The following CDH18 variants were observed in gnomAD, a reference collection of about 807,000 sequenced individuals.
The protein encoded by CDH18 is cadherin-18.
In CDH18, 31 loss-of-function variants were observed where a neutral mutation model predicts 67.9. The observed-to-expected ratio is 0.46, with a 90% CI of 0.34 to 0.62. The LOEUF is 0.62. Ranked by LOEUF, CDH18 falls within the 20% of genes least tolerant of loss-of-function variation. The pLI is 0.01. For missense variants in CDH18, 890 were observed against 975.5 expected (o/e 0.91, Z 1.17); for synonymous variants, 362 against 347.2 (o/e 1.04, Z -0.48).
At chr5:19,913,097 G>A (rs569523015) in intron 2 of CDH18, among the ~76,000 whole-genome samples, 2 of 152,086 alleles carry the variant, frequency 1.3e-5, no homozygotes, top group East Asian at 1.9e-4. Context: ...AAGAGGTACC[G>A]ATTTTTTAAA....
intron 1 of CDH18, among the ~76,000 whole-genome samples, chr5:20,538,632 C>A (rs1251161210): frequency 6.6e-6 from 1 of 152,038 alleles, no homozygotes; most frequent in Admixed American, 6.6e-5. Context: ...TTAATCATGA[C>A]CATTAATCTC....
At chr5:19,750,670 C>T (rs564217822) in intron 3 of CDH18, among the ~76,000 whole-genome samples, 154 of 151,748 alleles carry the variant, frequency 1.0e-3, no homozygotes, top group African/African-American at 3.7e-3. Flanking sequence ...AACCACTATA[C>T]TACTAAGAGA....
chr5:20,485,168 G>A (rs1753085987), intron 1 of CDH18, among the ~76,000 whole-genome samples: 1 of 152,104 alleles, frequency 6.6e-6, no homozygotes, highest in Non-Finnish European at 1.5e-5. Context: ...TCTCATTCTA[G>A]TCTTTATTTC....
At chr5:20,522,949 T>A (rs1755833666) in intron 1 of CDH18, among the ~76,000 whole-genome samples, 1 of 152,196 alleles carries the variant, frequency 6.6e-6, no homozygotes, top group Admixed American at 6.6e-5. Context: ...AACCAATGAA[T>A]CAAAATTCTT....
chr5:19,651,837 A>G (rs1303023976), intron 5 of CDH18, among the ~76,000 whole-genome samples: 3 of 152,128 alleles, frequency 2.0e-5, no homozygotes, highest in Non-Finnish European at 4.4e-5. Context: ...AATCAGAAAT[A>G]GGGTTCACTC....
At chr5:20,370,381 T>C (rs1193658343) in intron 1 of CDH18, among the ~76,000 whole-genome samples, 2 of 150,142 alleles carry the variant, frequency 1.3e-5, no homozygotes, top group Admixed American at 6.6e-5. Context: ...AGAGTTATTC[T>C]ACAGTTGTTA....
intron 2 of CDH18, among the ~76,000 whole-genome samples, chr5:19,854,406 G>A (rs1272937276): frequency 6.6e-6 from 1 of 151,876 alleles, no homozygotes; most frequent in Non-Finnish European, 1.5e-5. Context: ...TCTACTTCTA[G>A]GAATCTGATC....
intron 2 of CDH18, among the ~76,000 whole-genome samples, chr5:20,022,019 T>G (rs1738471677): frequency 6.6e-6 from 1 of 152,222 alleles, no homozygotes; most frequent in Non-Finnish European, 1.5e-5. Flanking sequence ...CTTTTGTAGT[T>G]CAACACATTA....
intron 2 of CDH18, among the ~76,000 whole-genome samples, chr5:20,206,784 A>G (rs1354471330): frequency 6.6e-6 from 1 of 152,010 alleles, no homozygotes; most frequent in African/African-American, 2.4e-5. Context: ...AAAACATTAG[A>G]CAAAATTCAG....
chr5:20,522,699 A>T (rs1163014010), intron 1 of CDH18, among the ~76,000 whole-genome samples: 1 of 152,164 alleles, frequency 6.6e-6, no homozygotes, highest in East Asian at 1.9e-4. Context: ...AGGACCAATA[A>T]ATTAATGTTA....
intron 1 of CDH18, among the ~76,000 whole-genome samples, chr5:20,278,271 G>T (rs766737146): frequency 6.6e-6 from 1 of 151,804 alleles, no homozygotes; most frequent in Non-Finnish European, 1.5e-5. Context: ...CAAGAGAAAA[G>T]AAACAAATAA....
chr5:19,742,869 A>T (rs1769410302), intron 4 of CDH18, among the ~76,000 whole-genome samples: 1 of 152,154 alleles, frequency 6.6e-6, no homozygotes, highest in African/African-American at 2.4e-5. Flanking sequence ...ATACGTTGAT[A>T]AAAATTTTGT....
intron 5 of CDH18, among the ~76,000 whole-genome samples, chr5:19,638,997 T>TG (rs1561521260): frequency 2.6e-4 from 30 of 113,872 alleles, no homozygotes; most frequent in Admixed American, 9.7e-5. Context: ...TTTTTTTTTT[T>TG]TTTTTTTGTT....
chr5:20,300,391 G>A (rs975084676), intron 1 of CDH18, among the ~76,000 whole-genome samples: 3 of 151,734 alleles, frequency 2.0e-5, no homozygotes, highest in East Asian at 1.9e-4. Flanking sequence ...TTTTCCTGCT[G>A]TCTGTCTCCA....
rs971740197 is a variant in CDH18 at position 20,006,916 on chromosome 5, T to C, written c.-517-14902A>G. Among the ~76,000 whole-genome samples the C allele has an allele frequency of 2.0e-5, 3 of 151,886 alleles. No individual in the cohort carries two copies. The East Asian group carries it at 5.8e-4, about 29-fold the overall frequency. ...GCATTTATAAGACAAAAGTGATACATCTCTTTTTTAATGAGAAAATTAAAT... is the reference window on the plus strand; with the variant it reads ...GCATTTATAAGACAAAAGTGATACACCTCTTTTTTAATGAGAAAATTAAAT... On this transcript the variant is annotated intron_variant, in intron 2 of 14. Transcript: ENST00000507958.
At position 19,693,888 on chromosome 5, in the gene CDH18, T is replaced by C. The variant is rs960468641; in HGVS notation, c.643+27459A>G. Among the ~76,000 whole-genome samples, 10 of 105,036 alleles carry C rather than the reference T, an allele frequency of 9.5e-5. No homozygotes were observed. In the East Asian group the frequency reaches 2.9e-3, roughly 30 times the overall value. 68.9% of individuals were successfully genotyped at this position (105,036 alleles called of 152,430 possible). ...TCCAGCCTGGGCGACAAAGTGAGACTCTGTCTGAAAAAAAAAAAAAAAAAA... is the reference window on the plus strand; with the variant it reads ...TCCAGCCTGGGCGACAAAGTGAGACCCTGTCTGAAAAAAAAAAAAAAAAAA... On this transcript the variant is annotated intron_variant, in intron 5 of 12. Transcript: ENST00000382275.
chr5:20,326,478 T>A (rs1276613674), intron 1 of CDH18, among the ~76,000 whole-genome samples: 1 of 151,960 alleles, frequency 6.6e-6, no homozygotes, highest in Non-Finnish European at 1.5e-5. Flanking sequence ...GAAAAAAGTC[T>A]GACTGAATCA....
At chr5:19,846,004 A>C (rs1782903840) in intron 2 of CDH18, among the ~76,000 whole-genome samples, 1 of 151,986 alleles carries the variant, frequency 6.6e-6, no homozygotes, top group Admixed American at 6.6e-5. Flanking sequence ...TTATATTTAA[A>C]GTAATAATTG....
At chr5:20,207,703 T>C (rs1196109544) in intron 2 of CDH18, among the ~76,000 whole-genome samples, 3 of 152,040 alleles carry the variant, frequency 2.0e-5, no homozygotes, top group Non-Finnish European at 4.4e-5. Context: ...CATGTGAAAA[T>C]TATAGGAGCT....
Sources: gnomAD v4.1 joint callset for allele counts (sites outside exome capture counted in the v4.1 genomes callset) on GRCh38, gnomAD v4.1.1 for gene constraint, MANE v1.5 for transcripts, NCBI Gene and HGNC (gene_info 2026-07-23, HGNC 2026-07-21) for gene names.